The following TPH2 variants were observed in gnomAD, a reference collection of about 807,000 sequenced individuals.
TPH2 encodes tryptophan 5-hydroxylase 2.
A neutral mutation model predicts 59.1 loss-of-function variants in TPH2; 27 were observed. The ratio of observed to expected loss-of-function variants is 0.46; its 90% CI spans 0.34 to 0.63. The LOEUF (loss-of-function observed/expected upper bound fraction) is 0.63, where lower values mean the gene tolerates loss of function less well. Ranked by LOEUF, TPH2 falls within the 30% of genes least tolerant of loss-of-function variation. The pLI is 0.01. For synonymous variants in TPH2, 220 were observed against 210.5 expected (o/e 1.05, Z -0.39); for missense variants, 523 against 588.3 (o/e 0.89, Z 1.15).
chr12:71,997,120 C>T (rs1872711891), intron 8 of TPH2, among the ~76,000 whole-genome samples: 1 of 152,148 alleles, frequency 6.6e-6, no homozygotes, highest in Non-Finnish European at 1.5e-5. Context: ...CTTTTTCCAC[C>T]TTCTTGAGGC....
intron 8 of TPH2, among the ~76,000 whole-genome samples, chr12:71,999,422 G>A (rs867409598): frequency 1.3e-5 from 2 of 152,146 alleles, no homozygotes; most frequent in Middle Eastern, 3.2e-3. Context: ...ACTGGTTGTG[G>A]CAGCATTACT....
intron 5 of TPH2, among the ~76,000 whole-genome samples, chr12:71,968,488 G>A (rs1425737545): frequency 6.6e-6 from 1 of 152,180 alleles, no homozygotes; most frequent in South Asian, 2.1e-4. Flanking sequence ...GGCTCCCCGT[G>A]GTACACCATC....
chr12:71,952,262 C>T (rs1355397309), intron 5 of TPH2, among the ~76,000 whole-genome samples: 3 of 151,962 alleles, frequency 2.0e-5, no homozygotes, highest in Non-Finnish European at 4.4e-5. Context: ...GGTGTGATGT[C>T]TGTAGAGAAA....
At chr12:71,973,507 G>A (rs1238000177) in intron 6 of TPH2, among the ~76,000 whole-genome samples, 1 of 152,168 alleles carries the variant, frequency 6.6e-6, no homozygotes, top group Non-Finnish European at 1.5e-5. Flanking sequence ...AAAAAGGGGA[G>A]GAACCCTCAG....
chr12:72,030,669 A>G (rs777796265), intron 9 of TPH2, among the ~76,000 whole-genome samples: 5 of 152,040 alleles, frequency 3.3e-5, no homozygotes, highest in Non-Finnish European at 5.9e-5. Flanking sequence ...TCTGCTGTAT[A>G]TTGCTCTGCT....
chr12:71,955,891 T>A (rs892438266), intron 5 of TPH2, among the ~76,000 whole-genome samples: 30 of 152,330 alleles, frequency 2.0e-4, no homozygotes, highest in Admixed American at 3.9e-4. Context: ...ACATAAAAAA[T>A]AATCCTCAAA....
At chr12:71,966,446 T>G (rs1871820964) in intron 5 of TPH2, among the ~76,000 whole-genome samples, 1 of 152,174 alleles carries the variant, frequency 6.6e-6, no homozygotes, top group Non-Finnish European at 1.5e-5. Flanking sequence ...AAGCTCTTCT[T>G]TGTTTTCTCC....
intron 4 of TPH2, 46 bp downstream of exon 4, chr12:71,944,732 A>T: frequency 6.5e-7 from 1 of 1,540,046 alleles, no homozygotes; most frequent in Non-Finnish European, 9.0e-7. Context: ...TTTCAGCTCC[A>T]CCCATGTGCC....
At chr12:71,986,428 G>T (rs1872438122) in intron 7 of TPH2, among the ~76,000 whole-genome samples, 1 of 152,044 alleles carries the variant, frequency 6.6e-6, no homozygotes, top group Non-Finnish European at 1.5e-5. Flanking sequence ...TAACCCCTGA[G>T]ATTTCTTATA....
At chr12:71,964,643 T>A in intron 5 of TPH2, 1 of 985,388 alleles carries the variant, frequency 1.0e-6, no homozygotes, top group Non-Finnish European at 1.2e-6. Flanking sequence ...TAGTACTAGG[T>A]AACACTATGG....
chr12:72,010,552 A>G (rs1472331076), intron 8 of TPH2, among the ~76,000 whole-genome samples: 1 of 152,168 alleles, frequency 6.6e-6, no homozygotes, highest in African/African-American at 2.4e-5. Flanking sequence ...GAGTGGCAAG[A>G]ATGACTCTCC....
chr12:72,014,268 T>C (rs1382709548), intron 8 of TPH2, among the ~76,000 whole-genome samples: 1 of 152,174 alleles, frequency 6.6e-6, no homozygotes, highest in Non-Finnish European at 1.5e-5. Context: ...TCGAAGTTTC[T>C]AGCATTTTTA....
intron 7 of TPH2, among the ~76,000 whole-genome samples, chr12:71,986,527 A>T (rs1872441474): frequency 6.6e-6 from 1 of 152,152 alleles, no homozygotes; most frequent in Non-Finnish European, 1.5e-5. Flanking sequence ...GTGCAGTTAG[A>T]AACCAAAATT....
intron 9 of TPH2, among the ~76,000 whole-genome samples, chr12:72,026,180 A>G (rs1184915328): frequency 6.6e-6 from 1 of 151,894 alleles, no homozygotes; most frequent in Non-Finnish European, 1.5e-5. Context: ...CTAGATATTT[A>G]TATCTTTCAG....
At chr12:71,982,627 G>A (rs1490830661) in intron 7 of TPH2, among the ~76,000 whole-genome samples, 18 of 152,206 alleles carry the variant, frequency 1.2e-4, no homozygotes, top group Admixed American at 1.2e-3. Flanking sequence ...CGTTGTCTTT[G>A]TAATGAAATC....
rs751618750 is a variant in TPH2 at position 71,944,258 on chromosome 12, C to T, written c.256-36C>T. 3.7e-6 allele frequency: 6 copies of T among 1,611,148 alleles called. No homozygotes were observed. In the South Asian group the frequency reaches 4.4e-5, roughly 12 times the overall value. On this transcript the variant is annotated intron_variant, in intron 2 of 10. Coordinates refer to ENST00000333850, the MANE Select transcript of TPH2 (RefSeq NM_173353.4). ...AGCTCATGGCATTCCTTTTATTGTC[C>T]CTGAAGGTGATTTTCAGATGCTCGT...
chr12:71,950,722 G>A (rs1334865495), intron 5 of TPH2, among the ~76,000 whole-genome samples: 1 of 152,158 alleles, frequency 6.6e-6, no homozygotes, highest in Non-Finnish European at 1.5e-5. Context: ...CCAATTGAGA[G>A]TAGGTGTGAA....
At position 72,017,068 on chromosome 12, in the gene TPH2, G is replaced by A. The variant is rs147592974; in HGVS notation, c.1069-5331G>A. On this transcript the variant is annotated intron_variant, in intron 8 of 10. Transcript: ENST00000333850. ...ATTGTGACCTTAGCAAGAACTTCAG[G>A]TGCCTAATGCCAAACATAAGAAGGG... 1.0e-3 allele frequency among the ~76,000 whole-genome samples: 152 copies of A among 152,244 alleles called. 4 individuals are homozygous for A. The East Asian group carries it at 0.015, about 15-fold the overall frequency.
chr12:72,029,419 G>A (rs113210833), intron 9 of TPH2, among the ~76,000 whole-genome samples: 6 of 152,292 alleles, frequency 3.9e-5, no homozygotes, highest in African/African-American at 7.2e-5. Flanking sequence ...CAGAGTGTAC[G>A]GATGCAAAGA....
Sources: gnomAD v4.1 joint callset for allele counts (sites outside exome capture counted in the v4.1 genomes callset) on GRCh38, gnomAD v4.1.1 for gene constraint, MANE v1.5 for transcripts, NCBI Gene and HGNC (gene_info 2026-07-23, HGNC 2026-07-21) for gene names.